The following FKBP10 variants were observed in gnomAD, a reference collection of about 807,000 sequenced individuals.
The protein encoded by FKBP10 is peptidyl-prolyl cis-trans isomerase FKBP10.
Under a neutral mutation model 53.7 loss-of-function variants are expected in FKBP10, and 34 were observed. The observed-to-expected ratio is 0.63, with a 90% CI of 0.48 to 0.84. The LOEUF (loss-of-function observed/expected upper bound fraction) is 0.84. Ranked by LOEUF, FKBP10 falls within the 40% of genes least tolerant of loss-of-function variation. FKBP10 has a pLI of 0.00. For missense variants in FKBP10, 748 were observed against 797.8 expected (o/e 0.94, Z 0.75); for synonymous variants, 324 against 335.7 (o/e 0.97, Z 0.38).
chr17:41,819,089 G>A (rs1567854930), intron 4 of FKBP10, 121 bp from the exon 5 acceptor site: 26 of 1,040,288 alleles, frequency 2.5e-5, no homozygotes, highest in African/African-American at 3.2e-5. Context: ...GCTGATGGGC[G>A]GGAAAGGGCT....
In FKBP10 at chr17:41,822,365, T is replaced by G. The variant is rs782546400; in HGVS notation, c.1706T>G (p.Leu569Arg). ...DGKITVDELK[L>R]KSDEDEERVH... ...AAGATCACAGTCGACGAGCTCAAGCTGAAGTCAGATGAGGACGAGGAGCGG... is the reference window on the plus strand; with the variant it reads ...AAGATCACAGTCGACGAGCTCAAGCGGAAGTCAGATGAGGACGAGGAGCGG... Residue 569 changes from leucine (L) to arginine (R), a missense_variant, in exon 10 of 10, where the codon CTG becomes CGG. Coordinates refer to ENST00000321562, the MANE Select transcript of FKBP10 (RefSeq NM_021939.4). 1 of 1,612,568 alleles carries G rather than the reference T, an allele frequency of 6.2e-7. No homozygotes were observed. Among genetic ancestry groups the G allele is most frequent in the Non-Finnish European group, 8.5e-7 (1 of 1,179,342 alleles).
In FKBP10 at chr17:41,818,447, A is replaced by G; in HGVS notation, c.647A>G (p.Gln216Arg). 6.2e-7 allele frequency: 1 copy of G among 1,614,210 alleles called. No homozygotes were observed. The highest frequency in any genetic ancestry group is 8.5e-7 in the Non-Finnish European group (1 of 1,180,036). ...GSGWLIKGMD[Q>R]GLLGMCPGER... ...GGTTGGCTGATCAAGGGCATGGACC[A>G]GGGGCTGCTGGGCATGTGTCCTGGA... The change falls in exon 4 of 10, where the codon CAG becomes CGG. Residue 216 changes from glutamine to arginine, a missense_variant. Physicochemically the swap from Gln to Arg is conservative, Grantham distance 43. Transcript: ENST00000321562.
At chr17:41,817,784 C>A (rs985471746) in intron 2 of FKBP10, among the ~76,000 whole-genome samples, 4 of 151,912 alleles carry the variant, frequency 2.6e-5, no homozygotes, top group East Asian at 3.9e-4. Flanking sequence ...CACACCACCA[C>A]ACGTGGCTAA....
At chr17:41,820,155 C>CTTTG in intron 6 of FKBP10, 114 bp from the exon 7 acceptor site, 1 of 1,330,122 alleles carries the variant, frequency 7.5e-7, no homozygotes, top group East Asian at 2.4e-5. Context: ...TCCCATCCTC[C>CTTTG]TTTGGATCCT....
At chr17:41,816,328 T>C (rs2047816278) in intron 1 of FKBP10, among the ~76,000 whole-genome samples, 1 of 137,470 alleles carries the variant, frequency 7.3e-6, no homozygotes, top group Non-Finnish European at 1.5e-5. Flanking sequence ...CCTCCCGGGT[T>C]CACGCCATTC....
intron 1 of FKBP10, among the ~76,000 whole-genome samples, chr17:41,815,950 A>G (rs1466675342): frequency 6.6e-6 from 1 of 151,604 alleles, no homozygotes; most frequent in African/African-American, 2.4e-5. Context: ...AGCCTGGGCA[A>G]CATGGCGAAA....
At chr17:41,818,606 G>A in intron 4 of FKBP10, 79 bp downstream of exon 4, 1 of 1,574,506 alleles carries the variant, frequency 6.4e-7, no homozygotes, top group Non-Finnish European at 8.7e-7. Flanking sequence ...TGCTCAGGTT[G>A]TATACTGCAC....
chr17:41,820,548 T>A, intron 7 of FKBP10, 87 bp downstream of exon 7: 4 of 1,371,722 alleles, frequency 2.9e-6, no homozygotes, highest in Non-Finnish European at 4.1e-6. Context: ...CGCCTGCTCC[T>A]CCCTCTTGGT....
rs1276853165 is a variant in FKBP10 at position 41,813,021 on chromosome 17, C to G, written c.-14C>G. 1 of 1,609,466 alleles carries G rather than the reference C, an allele frequency of 6.2e-7. No individual in the cohort carries two copies. Among genetic ancestry groups the G allele is most frequent in the East Asian group, 2.2e-5 (1 of 44,842 alleles). ...CGCTCGCCCTCACTGCCGGCGGTCC[C>G]AACTCCAGGCACCATGTTCCCCGCG... On this transcript the variant is annotated 5_prime_UTR_variant, in exon 1 of 10. Coordinates refer to ENST00000321562, the MANE Select transcript of FKBP10 (RefSeq NM_021939.4).
rs1555615652 is a variant in FKBP10, at chr17:41,813,056, A to C, written c.22A>C (p.Ser8Arg). Residue 8 changes from serine to arginine, a missense_variant, in exon 1 of 10, where the codon AGC (serine) becomes CGC (arginine). Coordinates refer to ENST00000321562, the MANE Select transcript of FKBP10 (RefSeq NM_021939.4). Reference sequence around the variant, plus strand: ...CACCATGTTCCCCGCGGGCCCCCCCAGCCACAGCCTCCTCCGGCTCCCCCT... The same window carrying C: ...CACCATGTTCCCCGCGGGCCCCCCCCGCCACAGCCTCCTCCGGCTCCCCCT... Reference protein sequence around the residue: MFPAGPPSHSLLRLPLLQ... With the variant: MFPAGPPRHSLLRLPLLQ... The C allele has an allele frequency of 1.9e-6, 3 of 1,610,034 alleles. No individual in the cohort carries two copies. Among genetic ancestry groups the C allele is most frequent in the Non-Finnish European group, 1.7e-6 (2 of 1,179,634 alleles).
chr17:41,818,050 G>A (rs1555616317), intron 2 of FKBP10, 39 bp from the exon 3 acceptor site: 7 of 1,557,102 alleles, frequency 4.5e-6, no homozygotes, highest in Non-Finnish European at 6.1e-6. Flanking sequence ...GGTTGGCAGA[G>A]CAGAACTCTG....
At chr17:41,821,507 T>C in intron 8 of FKBP10, 147 bp from the exon 9 acceptor site, 1 of 986,798 alleles carries the variant, frequency 1.0e-6, no homozygotes, top group Non-Finnish European at 1.5e-6. Flanking sequence ...CAGGAATGCC[T>C]TCAGGATGGC....
At position 41,822,688 on chromosome 17, in the gene FKBP10, A is replaced by AG; in HGVS notation, c.*283dup. 2.0e-6 allele frequency: 1 copy of AG among 508,114 alleles called. No individual in the cohort carries two copies. Among genetic ancestry groups the AG allele is most frequent in the Middle Eastern group, 5.5e-4 (1 of 1,808 alleles). The allele number at this position is 508,114 out of a possible 1,614,324, so 31.5% of individuals were successfully genotyped here. A position where few individuals can be genotyped will look rare whatever the true frequency, so the allele number is the denominator to read the frequency against. ...GGGCCTGTGGAGCCTGGGGTTGGAT[A>AG]GGGCCATGGCTGGTCCCCCACCATA... On this transcript the variant is annotated 3_prime_UTR_variant, in exon 10 of 10. Transcript: ENST00000321562.
rs782810616 is a variant in FKBP10 at position 41,818,157 on chromosome 17, G to A, written c.460G>A (p.Asp154Asn). 6.2e-7 allele frequency: 1 copy of A among 1,613,876 alleles called. No individual in the cohort carries two copies. Among genetic ancestry groups the A allele is most frequent in the Non-Finnish European group, 8.5e-7 (1 of 1,179,960 alleles). The change falls in exon 3 of 10, where the codon GAC (aspartate) becomes AAC (asparagine). Residue 154 changes from aspartate (D) to asparagine (N), a missense_variant. Asp to Asn is a conservative substitution (Grantham distance 23). Coordinates refer to ENST00000321562, the MANE Select transcript of FKBP10 (RefSeq NM_021939.4). ...TCTGCTGGATGTGTGGAACAAGGAA[G>A]ACACCGTGCAGGTGAGCACATTGCT... The part of the protein sequence containing the change: ...VVLLDVWNKE[D>N]TVQVSTLLRP...
At chr17:41,815,274 G>T (rs1028984401) in intron 1 of FKBP10, among the ~76,000 whole-genome samples, 1 of 151,818 alleles carries the variant, frequency 6.6e-6, no homozygotes, top group Non-Finnish European at 1.5e-5. Context: ...CGCCCACCTC[G>T]GCCTCCCAAA....
At chr17:41,822,196 C>T (rs370331679) in intron 9 of FKBP10, 27 bp from the exon 10 acceptor site, 56 of 1,602,378 alleles carry the variant, frequency 3.5e-5, no homozygotes, top group African/African-American at 2.9e-4. Flanking sequence ...CCTCACTGCC[C>T]GCTCCCCCGG....
In FKBP10 at chr17:41,822,279, G is replaced by T; in HGVS notation, c.1620G>T (p.Gly540=). Residue 540 remains glycine, a synonymous_variant, in exon 10 of 10, where the codon GGG becomes GGT. Transcript: ENST00000321562. ...VSEGKGRLMP[G]QDPEKTIGDM... ...AGGGCAAAGGACGCCTCATGCCTGG[G>T]CAGGACCCTGAGAAAACCATAGGAG... The T allele has an allele frequency of 1.2e-6, 2 of 1,613,876 alleles. No individual in the cohort carries two copies. The highest frequency in any genetic ancestry group is 1.7e-6 in the Non-Finnish European group (2 of 1,179,924).
At chr17:41,818,032 G>T (rs2144054902) in intron 2 of FKBP10, 57 bp from the exon 3 acceptor site, 1 of 1,517,888 alleles carries the variant, frequency 6.6e-7, no homozygotes, top group Admixed American at 2.0e-5. Flanking sequence ...GGCCCTGGCT[G>T]GGATCGTGGT....
In FKBP10 at chr17:41,820,354, G is replaced by A. The variant is rs782220242; in HGVS notation, c.1149G>A (p.Arg383=). 2 of 1,614,078 alleles carry A rather than the reference G, an allele frequency of 1.2e-6. No homozygotes were observed. Among genetic ancestry groups the A allele is most frequent in the East Asian group, 4.5e-5 (2 of 44,894 alleles). ...ACCCTGCGGATGTGGTGGAAATCAG[G>A]ACACTGTCCCGGCCATCTGAGACCT... The part of the protein sequence containing the change: ...FHNPADVVEI[R]TLSRPSETCN... The change falls in exon 7 of 10, where the codon AGG becomes AGA. Residue 383 remains arginine (R), a synonymous_variant. Transcript: ENST00000321562.
Sources: gnomAD v4.1 joint callset for allele counts (sites outside exome capture counted in the v4.1 genomes callset) on GRCh38, gnomAD v4.1.1 for gene constraint, MANE v1.5 for transcripts, NCBI Gene and HGNC (gene_info 2026-07-23, HGNC 2026-07-21) for gene names.